Variants in WDR90 observed in about 807,000 individuals in gnomAD.
WDR90 encodes the protein WD repeat domain 90.
WDR90 carries 238 observed loss-of-function variants against 195.2 expected under a neutral mutation model. The ratio of observed to expected loss-of-function variants is 1.22; its 90% confidence interval spans 1.10 to 1.36. The LOEUF is 1.36. Among genes scored for constraint, WDR90 ranks in the 40% most tolerant of loss-of-function variants. WDR90 has a pLI of 0.00. For missense variants in WDR90, 2,734 were observed against 2,439.5 expected (o/e 1.12, Z -2.54); for synonymous variants, 1,265 against 1,052.4 (o/e 1.20, Z -3.91).
At chr16:652,605 A>C (rs1239477221) in intron 10 of WDR90, 70 bp downstream of exon 10, 2 of 1,469,286 alleles carry the variant, frequency 1.4e-6, no homozygotes, top group Non-Finnish European at 1.8e-6. Context: ...CAGAACGGGG[A>C]GAGAGGAGAG....
At position 655,051 on chromosome 16, in the gene WDR90, G is replaced by A. The variant is rs1309350699; in HGVS notation, c.1460G>A (p.Gly487Asp). 3 of 1,612,556 alleles carry A rather than the reference G, an allele frequency of 1.9e-6. No individual in the cohort carries two copies. Among genetic ancestry groups the A allele is most frequent in the Non-Finnish European group, 8.5e-7 (1 of 1,179,830 alleles). The change falls in exon 14 of 41, where the codon GGC becomes GAC. Residue 487 changes from glycine (G) to aspartate (D), a missense_variant. Physicochemically the swap from Gly to Asp is moderately conservative, Grantham distance 94. Transcript: ENST00000293879. ...CAGATGGTGGTGGCCTGGGGCACCGGCCAGGTGGGCCTCGGTGGCGAGGTG... is the reference window on the plus strand; with the variant it reads ...CAGATGGTGGTGGCCTGGGGCACCGACCAGGTGGGCCTCGGTGGCGAGGTG... ...GRTMVVAWGT[G>D]QVGLGGEVVV...
chr16:658,211 A>C lies in WDR90; in HGVS notation c.2633A>C (p.Asp878Ala), dbSNP rs878949769. ...CTGCGAGTTGACATCGGCACTCTGG[A>C]CCTGGCCAGCAGCCGCCTGGACTCA... ...ELLRVDIGTL[D>A]LASSRLDSAM... is the part of the protein sequence containing the mutation. The change falls in exon 22 of 41, where the codon GAC (aspartate) becomes GCC (alanine). Residue 878 changes from aspartate to alanine, a missense_variant. Physicochemically the swap from Asp to Ala is moderately radical, Grantham distance 126. Coordinates refer to ENST00000293879, the MANE Select transcript of WDR90 (RefSeq NM_145294.5). 4 of 1,611,914 alleles carry C rather than the reference A, an allele frequency of 2.5e-6. No individual in the cohort carries two copies. In the South Asian group the frequency reaches 4.4e-5, roughly 18 times the overall value.
At position 652,655 on chromosome 16, in the gene WDR90, C is replaced by A; in HGVS notation, c.1122+120C>A. ...GTGGCTGTGTGTGGGCTCCCGAGCC[C>A]CCCTGGCACAGCGGTCCCGTCCCCC... On this transcript the variant is annotated intron_variant, in intron 10 of 40. Coordinates refer to ENST00000293879, the MANE Select transcript of WDR90 (RefSeq NM_145294.5). The A allele has an allele frequency of 4.5e-6, 5 of 1,116,570 alleles. No individual in the cohort carries two copies. The South Asian group carries it at 1.4e-4, about 31-fold the overall frequency. 69.2% of individuals were successfully genotyped at this position (1,116,570 alleles called of 1,614,324 possible).
At position 650,344 on chromosome 16, in the gene WDR90, G is replaced by A. The variant is rs763596056; in HGVS notation, c.370G>A (p.Ala124Thr). ...GCTCCAGTTTCCCTTGGTCCTGGAG[G>A]CCAGGACACCTCAGAGAGGTGACAC... ...TWLQFPLVLE[A>T]RTPQRDLVGL... Residue 124 changes from alanine (A) to threonine (T), a missense_variant, in exon 4 of 41, where the codon GCC becomes ACC. By Grantham distance (58) the Ala-to-Thr change is moderately conservative. Coordinates refer to ENST00000293879, the MANE Select transcript of WDR90 (RefSeq NM_145294.5). 36 of 1,612,610 alleles carry A rather than the reference G, an allele frequency of 2.2e-5. No individual in the cohort carries two copies. The highest frequency in any genetic ancestry group is 8.0e-5 in the African/African-American group (6 of 74,936).
intron 20 of WDR90, 59 bp downstream of exon 20, chr16:657,280 G>A (rs1260229385): frequency 6.8e-7 from 1 of 1,480,656 alleles, no homozygotes. Context: ...CCTGGATCTG[G>A]TGCAGGCCCA....
chr16:657,105 C>T lies in WDR90; in HGVS notation c.2357C>T (p.Ala786Val), dbSNP rs939205240. The change falls in exon 20 of 41, where the codon GCT becomes GTT. Residue 786 changes from alanine (A) to valine (V), a missense_variant. Ala to Val is a moderately conservative substitution (Grantham distance 64). Transcript: ENST00000293879. ...VLVEHTCHRG[A>V]VTGLTATPDG... ...GTGTGCTGCAGGTGCCACCGAGGAG[C>T]TGTCACCGGCCTGACCGCCACCCCT... 1 of 1,594,438 alleles carries T rather than the reference C, an allele frequency of 6.3e-7. No homozygotes were observed.
intron 13 of WDR90, 113 bp from the exon 14 acceptor site, chr16:654,916 C>A: frequency 1.1e-6 from 1 of 948,804 alleles, no homozygotes; most frequent in Non-Finnish European, 1.6e-6. Flanking sequence ...CGCTCAGAGG[C>A]TGGTCTCCGC....
Position 665,989 on chromosome 16 carries a change from C to T in WDR90, c.4474C>T (p.Arg1492Cys), listed in dbSNP as rs759995789. 3.1e-6 allele frequency: 5 copies of T among 1,602,806 alleles called. No homozygotes were observed. The highest frequency in any genetic ancestry group is 2.2e-5 in the South Asian group (2 of 90,900). Residue 1492 changes from arginine to cysteine, a missense_variant, in exon 36 of 41, where the codon CGC (arginine) becomes TGC (cysteine). Transcript: ENST00000293879. ...CLAWSPPCCG[R>C]PEQQRLAAGY... Reference sequence around the variant, plus strand: ...GGCATGGAGCCCCCCGTGCTGTGGCCGCCCTGAGCAGCAGCGGCTAGCGGC... The same window carrying T: ...GGCATGGAGCCCCCCGTGCTGTGGCTGCCCTGAGCAGCAGCGGCTAGCGGC...
At position 658,929 on chromosome 16, in the gene WDR90, G is replaced by A; in HGVS notation, c.2929G>A (p.Val977Met). 1.2e-6 allele frequency: 2 copies of A among 1,612,630 alleles called. No homozygotes were observed. The highest frequency in any genetic ancestry group is 8.5e-7 in the Non-Finnish European group (1 of 1,179,986). Residue 977 changes from valine (V) to methionine (M), a missense_variant, in exon 24 of 41, where the codon GTG (valine) becomes ATG (methionine). By Grantham distance (21) the Val-to-Met change is conservative. Coordinates refer to ENST00000293879, the MANE Select transcript of WDR90 (RefSeq NM_145294.5). Reference sequence around the variant, plus strand: ...CGGCCACTCGGAACCCGTGCAGGCTGTGGCCTTCTCTCCTGACCAGCAGCA... The same window carrying A: ...CGGCCACTCGGAACCCGTGCAGGCTATGGCCTTCTCTCCTGACCAGCAGCA... ...YIGHSEPVQAVAFSPDQQQVL... is the reference protein window; with the variant it reads ...YIGHSEPVQAMAFSPDQQQVL...
chr16:656,603 G>T, intron 18 of WDR90, 66 bp downstream of exon 18: 7 of 1,573,316 alleles, frequency 4.4e-6, no homozygotes, highest in East Asian at 2.3e-5. Flanking sequence ...GTTTGTCAGC[G>T]GGGGTGAGAG....
rs199724148 is a variant in WDR90, at chr16:655,004, C to A, written c.1438-25C>A. On this transcript the variant is annotated intron_variant, in intron 13 of 40. Coordinates refer to ENST00000293879, the MANE Select transcript of WDR90 (RefSeq NM_145294.5). ...GGTGGCCCCGACTGGCCCTGCCGTG[C>A]GGGCTCAGCCTGGGCTTGTTGCAGA... 3.1e-6 allele frequency: 5 copies of A among 1,605,954 alleles called. No homozygotes were observed. In the South Asian group the frequency reaches 4.4e-5, roughly 14 times the overall value.
Position 661,147 on chromosome 16 carries a change from C to T in WDR90, c.3488C>T (p.Thr1163Met), listed in dbSNP as rs573303606. 58 of 1,556,748 alleles carry T rather than the reference C, an allele frequency of 3.7e-5. No individual in the cohort carries two copies. The East Asian group carries it at 5.7e-4, about 15-fold the overall frequency. The stretch of plus-strand genomic sequence containing the variant: ...TCCGGCCACTCTGCGGAGATCTCCA[C>T]GCTGGCCCTCAGCCACAGTGCCCAG... ...HWSGHSAEIS[T>M]LALSHSAQVL... Residue 1163 changes from threonine (T) to methionine (M), a missense_variant, in exon 29 of 41, where the codon ACG becomes ATG. By Grantham distance (81) the Thr-to-Met change is moderately conservative. Coordinates refer to ENST00000293879, the MANE Select transcript of WDR90 (RefSeq NM_145294.5).
At position 653,645 on chromosome 16, in the gene WDR90, C is replaced by T; in HGVS notation, c.1354C>T (p.Pro452Ser). Residue 452 changes from proline to serine, a missense_variant, in exon 12 of 41, where the codon CCA becomes TCA. By Grantham distance (74) the Pro-to-Ser change is moderately conservative (BLOSUM62 -1). Coordinates refer to ENST00000293879, the MANE Select transcript of WDR90 (RefSeq NM_145294.5). ...GCGGTGCTTGTGCCTGTTCCGGAGC[C>T]CAATGCACGTTGTCTGCTCTCTCAG... is the stretch of plus-strand genomic sequence containing the variant. ...TGRCLCLFRS[P>S]MHVVCSLSFS... The T allele has an allele frequency of 6.2e-7, 1 of 1,613,560 alleles. No homozygotes were observed. The highest frequency in any genetic ancestry group is 8.5e-7 in the Non-Finnish European group (1 of 1,179,988).
chr16:660,213 C>G (rs1199880793), intron 27 of WDR90, 52 bp downstream of exon 27: 1 of 1,420,078 alleles, frequency 7.0e-7, no homozygotes, highest in Non-Finnish European at 9.4e-7. Context: ...CACAGAGGCC[C>G]CCCGCAGGGC....
rs755071904 is a variant in WDR90 at position 660,092 on chromosome 16, C to A, written c.3219C>A (p.Arg1073=). 6.5e-7 allele frequency: 1 copy of A among 1,548,222 alleles called. No individual in the cohort carries two copies. Among genetic ancestry groups the A allele is most frequent in the East Asian group, 2.4e-5 (1 of 41,362 alleles). ...ARDTRNSGAP[R]TTYLASCKAF... ...ACACCAGGAATTCGGGGGCCCCACG[C>A]ACCACCTACCTGGCTTCCTGCAAGG... The change falls in exon 27 of 41, where the codon CGC becomes CGA. Residue 1073 remains arginine, a synonymous_variant. Transcript: ENST00000293879.
At chr16:659,046 C>T (rs977277137) in intron 24 of WDR90, 35 bp downstream of exon 24, 4 of 1,613,034 alleles carry the variant, frequency 2.5e-6, no homozygotes, top group African/African-American at 2.7e-5. Flanking sequence ...CTGCCTAGGC[C>T]CCCCAGGCCC....
At position 655,580 on chromosome 16, in the gene WDR90, T is replaced by G. The variant is rs377402795; in HGVS notation, c.1726T>G (p.Cys576Gly). The G allele has an allele frequency of 6.3e-7, 1 of 1,593,672 alleles. No homozygotes were observed. The highest frequency in any genetic ancestry group is 8.6e-7 in the Non-Finnish European group (1 of 1,167,950). Reference protein sequence around the residue: ...PEPSAAMLFVCSRSGHILEID... With the variant: ...PEPSAAMLFVGSRSGHILEID... Reference sequence around the variant, plus strand: ...TGCCGCCTCCTCGGGCAGCTTCGTGTGCAGCCGCAGTGGCCACATCTTGGA... The same window carrying G: ...TGCCGCCTCCTCGGGCAGCTTCGTGGGCAGCCGCAGTGGCCACATCTTGGA... The change falls in exon 16 of 41, where the codon TGC becomes GGC. Residue 576 changes from cysteine (C) to glycine (G), a missense_variant. By Grantham distance (159) the Cys-to-Gly change is radical. Transcript: ENST00000293879.
At chr16:659,885 G>A (rs1200571492) in intron 26 of WDR90, among the ~76,000 whole-genome samples, 173 bp from the exon 27 acceptor site, 1 of 152,216 alleles carries the variant, frequency 6.6e-6, no homozygotes, top group Non-Finnish European at 1.5e-5. Context: ...GACGAGGCAA[G>A]GTCACCTGCA....
chr16:649,544 A>G, intron 1 of WDR90, 118 bp downstream of exon 1: 1 of 1,240,048 alleles, frequency 8.1e-7, no homozygotes. Context: ...GTCCCCGCTC[A>G]GGCAGGGTCC....
Sources: gnomAD v4.1 joint callset for allele counts (sites outside exome capture counted in the v4.1 genomes callset) on GRCh38, gnomAD v4.1.1 for gene constraint, MANE v1.5 for transcripts, NCBI Gene and HGNC (gene_info 2026-07-23, HGNC 2026-07-21) for gene names.